The following ATP2B2 variants were observed in gnomAD, a reference collection of about 807,000 sequenced individuals.
ATP2B2 encodes ATPase plasma membrane Ca2+ transporting 2.
Under a neutral mutation model 120.0 loss-of-function variants are expected in ATP2B2, and 15 were observed. The observed-to-expected ratio is 0.12, with a 90% CI of 0.08 to 0.19. ATP2B2 has a LOEUF of 0.19. Ranked by LOEUF, ATP2B2 falls within the 10% of genes least tolerant of loss-of-function variation. ATP2B2 has a pLI of 1.00. For missense variants in ATP2B2, 1,045 were observed against 1,719.8 expected (o/e 0.61, Z 6.94); for synonymous variants, 694 against 700.3 (o/e 0.99, Z 0.14).
At position 10,441,264 on chromosome 3, in the gene ATP2B2, G is replaced by GT. The variant is rs1219600434; in HGVS notation, c.199+8080dup. ...CCCTGGAGTTGTTTCCTGTCTTTTT[G>GT]TTTTTTTTGAGACAGAGTCTCACTC... On this transcript the variant is annotated intron_variant, in intron 2 of 22. Transcript: ENST00000360273. Among the ~76,000 whole-genome samples the GT allele has an allele frequency of 5.3e-5, 8 of 151,756 alleles. No homozygotes were observed. In the South Asian group the frequency reaches 1.0e-3, roughly 20 times the overall value.
At chr3:10,633,628 C>G (rs1255972091) in intron 1 of ATP2B2, among the ~76,000 whole-genome samples, 1 of 152,202 alleles carries the variant, frequency 6.6e-6, no homozygotes, top group Admixed American at 6.5e-5. Flanking sequence ...AGGCCCTTCA[C>G]AAGGGAGAAC....
At chr3:10,644,707 C>G (rs2070275008) in intron 1 of ATP2B2, among the ~76,000 whole-genome samples, 1 of 152,114 alleles carries the variant, frequency 6.6e-6, no homozygotes, top group Non-Finnish European at 1.5e-5. Flanking sequence ...TCCGCAGAGA[C>G]AGAATGAGGA....
At chr3:10,682,948 T>A (rs1484334754) in intron 1 of ATP2B2, among the ~76,000 whole-genome samples, 1 of 152,190 alleles carries the variant, frequency 6.6e-6, no homozygotes, top group African/African-American at 2.4e-5. Flanking sequence ...CACACACTCC[T>A]GCAAACGGTA....
chr3:10,349,126 G>T (rs927033582), intron 16 of ATP2B2, among the ~76,000 whole-genome samples: 1 of 152,220 alleles, frequency 6.6e-6, no homozygotes, highest in African/African-American at 2.4e-5. Flanking sequence ...CACAGAGCAG[G>T]TCAGTGGCAA....
In ATP2B2 at chr3:10,324,036, G is replaced by C. The variant is rs1453862071; in HGVS notation, c.*4778C>G. On this transcript the variant is annotated 3_prime_UTR_variant, in exon 23 of 23. Coordinates refer to ENST00000360273, the MANE Select transcript of ATP2B2 (RefSeq NM_001001331.4). ...GTGTACCGTGTCTGCATTTCCACGT[G>C]TGCATTTATTGTTATTGCTCAGTAT... The C allele has an allele frequency of 6.6e-6, 1 of 152,112 alleles. No homozygotes were observed. Among genetic ancestry groups the C allele is most frequent in the Non-Finnish European group, 1.5e-5 (1 of 68,034 alleles). 9.4% of individuals were successfully genotyped at this position (152,112 alleles called of 1,614,324 possible). A position where few individuals can be genotyped will look rare whatever the true frequency, so the allele number is the denominator to read the frequency against.
intron 1 of ATP2B2, among the ~76,000 whole-genome samples, chr3:10,656,007 C>A (rs898219981): frequency 2.6e-5 from 4 of 152,102 alleles, no homozygotes; most frequent in Non-Finnish European, 5.9e-5. Context: ...GAAAACAATC[C>A]CTGGATTGAT....
chr3:10,594,459 T>C (rs539813847), intron 2 of ATP2B2, among the ~76,000 whole-genome samples: 3 of 150,830 alleles, frequency 2.0e-5, no homozygotes, highest in African/African-American at 7.3e-5. Flanking sequence ...CAGCAAACTA[T>C]CGCAAGGACA....
chr3:10,491,241 T>C (rs2065923655), intron 1 of ATP2B2, among the ~76,000 whole-genome samples: 1 of 148,948 alleles, frequency 6.7e-6, no homozygotes, highest in Non-Finnish European at 1.5e-5. Flanking sequence ...TTTTTTTTTT[T>C]TGAGACGGTG....
In ATP2B2 at chr3:10,687,488, T is replaced by C. The variant is rs149435042; in HGVS notation, c.-460+20427A>G. Among the ~76,000 whole-genome samples, 355 of 152,328 alleles carry C rather than the reference T, an allele frequency of 2.3e-3. 2 individuals carry two copies. Among genetic ancestry groups the C allele is most frequent in the African/African-American group, 8.2e-3 (341 of 41,574 alleles). On this transcript the variant is annotated intron_variant, in intron 1 of 21. Transcript: ENST00000646379. Reference sequence around the variant, plus strand: ...GTTTAGAATCTTCTGGGAACAACTTTGGAGAAAGCTCGCTCTAAGCAGACT... The same window carrying C: ...GTTTAGAATCTTCTGGGAACAACTTCGGAGAAAGCTCGCTCTAAGCAGACT...
chr3:10,587,026 A>G (rs2068526248), intron 2 of ATP2B2, among the ~76,000 whole-genome samples: 1 of 152,144 alleles, frequency 6.6e-6, no homozygotes, highest in African/African-American at 2.4e-5. Context: ...TGTTATAAAT[A>G]TCATAGCCTG....
chr3:10,567,402 A>T (rs957994589), intron 2 of ATP2B2, among the ~76,000 whole-genome samples: 2 of 152,244 alleles, frequency 1.3e-5, no homozygotes. Flanking sequence ...AGGCAAATCT[A>T]ACCTGCATTT....
intron 2 of ATP2B2, among the ~76,000 whole-genome samples, chr3:10,422,527 GTC>G (rs892321021): frequency 6.6e-6 from 1 of 152,182 alleles, no homozygotes; most frequent in Non-Finnish European, 1.5e-5. Context: ...TATGAATCCA[GTC>G]TCTGTCATGT....
intron 2 of ATP2B2, among the ~76,000 whole-genome samples, chr3:10,419,850 A>G (rs971786574): frequency 2.0e-5 from 3 of 152,194 alleles, no homozygotes; most frequent in Admixed American, 6.5e-5. Flanking sequence ...AATGCCCCAC[A>G]GTGACCCTAT....
intron 1 of ATP2B2, among the ~76,000 whole-genome samples, chr3:10,480,229 G>A (rs779297890): frequency 6.6e-6 from 1 of 152,180 alleles, no homozygotes; most frequent in African/African-American, 2.4e-5. Flanking sequence ...TGCCCAGGCA[G>A]GCCCTCTCTC....
At chr3:10,639,407 G>T (rs2070110468) in intron 1 of ATP2B2, among the ~76,000 whole-genome samples, 1 of 152,214 alleles carries the variant, frequency 6.6e-6, no homozygotes, top group Non-Finnish European at 1.5e-5. Context: ...GGTGCCAGCA[G>T]ATTTGGAGTC....
chr3:10,430,519 T>C (rs1187223816), intron 2 of ATP2B2, among the ~76,000 whole-genome samples: 1 of 152,040 alleles, frequency 6.6e-6, no homozygotes. Context: ...GAATGAGAAT[T>C]CTTAACTTGT....
intron 1 of ATP2B2, among the ~76,000 whole-genome samples, chr3:10,485,381 G>T (rs189640625): frequency 3.3e-4 from 50 of 152,332 alleles, no homozygotes; most frequent in Admixed American, 3.1e-3. Context: ...TGCTGGGCGA[G>T]GGCACAGGAA....
chr3:10,655,859 A>T (rs1344835360), intron 1 of ATP2B2, among the ~76,000 whole-genome samples: 1 of 152,230 alleles, frequency 6.6e-6, no homozygotes, highest in Non-Finnish European at 1.5e-5. Flanking sequence ...TTAAAAATCT[A>T]CCCAATTCAA....
intron 2 of ATP2B2, among the ~76,000 whole-genome samples, chr3:10,437,549 G>A (rs572641243): frequency 7.7e-4 from 117 of 152,290 alleles, no homozygotes; most frequent in African/African-American, 2.7e-3. Flanking sequence ...ACTGAGCATC[G>A]GGCTTGGGGG....
Sources: allele counts gnomAD v4.1 joint callset (sites outside exome capture counted in the v4.1 genomes callset), GRCh38; gene constraint gnomAD v4.1.1; transcripts MANE v1.5; gene names NCBI Gene and HGNC (gene_info 2026-07-23, HGNC 2026-07-21).